The following PPFIA2 variants were observed in gnomAD, a reference collection of about 807,000 sequenced individuals.
PPFIA2 encodes the protein PPFI scaffold protein A2.
A neutral mutation model predicts 175.5 loss-of-function variants in PPFIA2; 46 were observed. That is an observed-to-expected ratio of 0.26 (90% confidence interval 0.21 to 0.34). The LOEUF is 0.34. Among genes scored for constraint, PPFIA2 ranks in the 10% least tolerant of loss-of-function variants. The pLI, the probability that PPFIA2 is intolerant of heterozygous loss-of-function variation, is 1.00. For synonymous variants in PPFIA2, 568 were observed against 511.4 expected (o/e 1.11, Z -1.49); for missense variants, 1,179 against 1,506.1 (o/e 0.78, Z 3.60).
At chr12:81,333,850 C>A (rs1033881058) in intron 21 of PPFIA2, among the ~76,000 whole-genome samples, 6 of 152,116 alleles carry the variant, frequency 3.9e-5, no homozygotes, top group Admixed American at 3.3e-4. Flanking sequence ...TGATCAAGAA[C>A]AGAGTGAGTC....
intron 4 of PPFIA2, among the ~76,000 whole-genome samples, chr12:81,520,162 A>G (rs1340151113): frequency 6.6e-6 from 1 of 152,204 alleles, no homozygotes; most frequent in Admixed American, 6.5e-5. Flanking sequence ...AAGAAGGATC[A>G]TCTGCTTTAG....
At chr12:81,649,532 A>T (rs769479604) in intron 4 of PPFIA2, among the ~76,000 whole-genome samples, 16 of 152,210 alleles carry the variant, frequency 1.1e-4, no homozygotes, top group Non-Finnish European at 1.9e-4. Context: ...ATATGCACTC[A>T]TTGGAAAACA....
At chr12:81,609,822 T>C (rs1209338771) in intron 4 of PPFIA2, among the ~76,000 whole-genome samples, 1 of 152,202 alleles carries the variant, frequency 6.6e-6, no homozygotes, top group Non-Finnish European at 1.5e-5. Flanking sequence ...ATTATGTTGC[T>C]AGCTGGTTGC....
At chr12:81,611,806 C>T (rs1361669991) in intron 4 of PPFIA2, among the ~76,000 whole-genome samples, 1 of 152,168 alleles carries the variant, frequency 6.6e-6, no homozygotes, top group Non-Finnish European at 1.5e-5. Context: ...CATGCCGTCT[C>T]AAGGCCTGTC....
At chr12:81,603,792 T>C (rs1382072228) in intron 4 of PPFIA2, among the ~76,000 whole-genome samples, 2 of 123,828 alleles carry the variant, frequency 1.6e-5, no homozygotes, top group African/African-American at 6.2e-5. Context: ...GAAAGTAGAA[T>C]ACCTTTTTCA....
intron 4 of PPFIA2, among the ~76,000 whole-genome samples, chr12:81,575,961 C>T (rs1159741362): frequency 1.3e-5 from 2 of 151,678 alleles, no homozygotes; most frequent in African/African-American, 4.8e-5. Context: ...TGGTTGAGCC[C>T]CAGCAATCAG....
intron 21 of PPFIA2, among the ~76,000 whole-genome samples, chr12:81,335,227 T>C (rs1490939274): frequency 6.6e-6 from 1 of 152,114 alleles, no homozygotes; most frequent in African/African-American, 2.4e-5. Flanking sequence ...ATGAGCATAT[T>C]TGAGCAATAA....
chr12:81,270,910 A>G (rs1263922583), intron 28 of PPFIA2: 1 of 152,208 alleles, frequency 6.6e-6, no homozygotes, highest in African/African-American at 2.4e-5. Context: ...CTAATTTGCT[A>G]TATCTTTCCT....
intron 27 of PPFIA2, among the ~76,000 whole-genome samples, chr12:81,278,530 A>G (rs1487413162): frequency 8.7e-6 from 1 of 115,216 alleles, no homozygotes; most frequent in Admixed American, 1.0e-4. Context: ...ACAGAGTGAG[A>G]CTCCATCTCC....
At chr12:81,440,342 T>C (rs1349318632) in intron 6 of PPFIA2, among the ~76,000 whole-genome samples, 1 of 152,014 alleles carries the variant, frequency 6.6e-6, no homozygotes, top group Non-Finnish European at 1.5e-5. Context: ...TCATAGTAAG[T>C]GGAGACAAAG....
At chr12:81,627,852 G>T (rs1325757471) in intron 4 of PPFIA2, among the ~76,000 whole-genome samples, 1 of 151,908 alleles carries the variant, frequency 6.6e-6, no homozygotes, top group Admixed American at 6.6e-5. Flanking sequence ...TAAATGCTTC[G>T]AGGGTTTGTT....
At chr12:81,459,124 CTTCAGGGCTTAGATTCT>C (rs2054086755) in intron 4 of PPFIA2, among the ~76,000 whole-genome samples, 1 of 152,092 alleles carries the variant, frequency 6.6e-6, no homozygotes, top group Non-Finnish European at 1.5e-5. Flanking sequence ...TCAGAGTAGG[CTTCAGGGCTTAGATTCT>C]AGATGACAGA....
intron 4 of PPFIA2, among the ~76,000 whole-genome samples, chr12:81,645,833 A>G (rs750528215): frequency 5.3e-5 from 8 of 152,244 alleles, no homozygotes; most frequent in Non-Finnish European, 8.8e-5. Flanking sequence ...TTCCAAGGGA[A>G]GTCTGCACCT....
At chr12:81,492,197 A>G (rs531236945) in intron 4 of PPFIA2, among the ~76,000 whole-genome samples, 11 of 151,978 alleles carry the variant, frequency 7.2e-5, no homozygotes, top group African/African-American at 2.4e-4. Flanking sequence ...ATCTGCACAA[A>G]AAAACCCACA....
chr12:81,472,041 T>A (rs760096059), intron 4 of PPFIA2, among the ~76,000 whole-genome samples: 2 of 152,196 alleles, frequency 1.3e-5, no homozygotes, highest in Non-Finnish European at 2.9e-5. Context: ...AAATGTAGTA[T>A]ACATGCTATA....
intron 3 of PPFIA2, among the ~76,000 whole-genome samples, chr12:81,715,917 T>C (rs2078555978): frequency 6.6e-6 from 1 of 151,554 alleles, no homozygotes; most frequent in Admixed American, 6.6e-5. Flanking sequence ...ATAAACAATT[T>C]TTTTAAATTT....
chr12:81,653,426 C>A (rs1460008219), intron 4 of PPFIA2, among the ~76,000 whole-genome samples: 1 of 152,044 alleles, frequency 6.6e-6, no homozygotes, highest in African/African-American at 2.4e-5. Flanking sequence ...CATCCAAAAC[C>A]AAGTTGTCAG....
chr12:81,409,414 C>T (rs1369427879), intron 7 of PPFIA2, among the ~76,000 whole-genome samples: 4 of 152,094 alleles, frequency 2.6e-5, no homozygotes, highest in Non-Finnish European at 5.9e-5. Flanking sequence ...GGGCTTTGCT[C>T]TCATAAATGG....
chr12:81,694,685 G>A (rs2153592945), intron 3 of PPFIA2, among the ~76,000 whole-genome samples: 1 of 152,260 alleles, frequency 6.6e-6, no homozygotes, highest in African/African-American at 2.4e-5. Context: ...CCCCATGAGG[G>A]CACTGCATAG....
Sources: allele counts gnomAD v4.1 joint callset (sites outside exome capture counted in the v4.1 genomes callset), GRCh38; gene constraint gnomAD v4.1.1; transcripts MANE v1.5; gene names NCBI Gene and HGNC (gene_info 2026-07-23, HGNC 2026-07-21).